ROBO2: variants seen among roughly 807,000 people sequenced by gnomAD.
The protein encoded by ROBO2 is roundabout homolog 2.
A neutral mutation model predicts 160.8 loss-of-function variants in ROBO2; 53 were observed. The observed-to-expected ratio is 0.33, with a 90% confidence interval of 0.26 to 0.41. ROBO2 has a LOEUF of 0.41. ROBO2 is among the 10% of genes least tolerant of loss of function. ROBO2 has a pLI of 1.00. For synonymous variants in ROBO2, 664 were observed against 611.7 expected, an observed-to-expected ratio of 1.09 and a Z score of -1.26; for missense variants, 1,577 against 1,722.4, an observed-to-expected ratio of 0.92 and a Z score of 1.49.
chr3:76,247,172 A>G (rs1477078741), intron 2 of ROBO2, among the ~76,000 whole-genome samples: 1 of 152,090 alleles, frequency 6.6e-6, no homozygotes, highest in Non-Finnish European at 1.5e-5. Context: ...ATTCCTTGTT[A>G]CTTAGACTTC....
At chr3:76,200,268 A>G (rs1189627840) in intron 2 of ROBO2, among the ~76,000 whole-genome samples, 1 of 152,154 alleles carries the variant, frequency 6.6e-6, no homozygotes, top group Non-Finnish European at 1.5e-5. Flanking sequence ...AAGAAAAAGT[A>G]TGGTCAGTGC....
chr3:77,542,867 TTA>T (rs140281392), intron 6 of ROBO2, among the ~76,000 whole-genome samples: 19,969 of 152,220 alleles, frequency 0.13, 1,482 homozygotes, highest in East Asian at 0.28. Flanking sequence ...ATAAATCTGA[TTA>T]TATCTTTCTT....
chr3:76,196,158 CCCAT>C (rs1702252212), intron 2 of ROBO2, among the ~76,000 whole-genome samples: 1 of 152,102 alleles, frequency 6.6e-6, no homozygotes, highest in African/African-American at 2.4e-5. Context: ...ATTCTTATTT[CCCAT>C]TTTAGCCAAG....
chr3:76,339,528 C>G (rs2074091118), intron 2 of ROBO2, among the ~76,000 whole-genome samples: 1 of 152,030 alleles, frequency 6.6e-6, no homozygotes, highest in Non-Finnish European at 1.5e-5. Context: ...TTATCTTTCT[C>G]TTTCAAGAAC....
At chr3:76,186,565 A>G (rs1222118543) in intron 2 of ROBO2, among the ~76,000 whole-genome samples, 1 of 152,018 alleles carries the variant, frequency 6.6e-6, no homozygotes, top group South Asian at 2.1e-4. Flanking sequence ...CTCTCTGTCA[A>G]TAGTTCACCC....
chr3:77,614,707 T>C (rs2094725922), intron 21 of ROBO2, among the ~76,000 whole-genome samples: 1 of 151,886 alleles, frequency 6.6e-6, no homozygotes, highest in African/African-American at 2.4e-5. Flanking sequence ...CCAAAGATGA[T>C]ATTATTCCCC....
intron 2 of ROBO2, among the ~76,000 whole-genome samples, chr3:77,454,041 A>G (rs2081370517): frequency 6.6e-6 from 1 of 151,726 alleles, no homozygotes; most frequent in Non-Finnish European, 1.5e-5. Context: ...AGACACCCTC[A>G]TTAGACATTT....
chr3:76,326,283 C>T (rs2073008590), intron 2 of ROBO2, among the ~76,000 whole-genome samples: 3 of 152,078 alleles, frequency 2.0e-5, no homozygotes, highest in African/African-American at 7.2e-5. Flanking sequence ...ATAAAAATGA[C>T]TATAACTCCT....
At chr3:76,927,273 C>T (rs2077045590) in intron 2 of ROBO2, among the ~76,000 whole-genome samples, 1 of 152,030 alleles carries the variant, frequency 6.6e-6, no homozygotes, top group Admixed American at 6.6e-5. Context: ...AATTACCACC[C>T]CCACCACCAG....
chr3:77,046,917 T>C (rs2064730072), intron 1 of ROBO2, among the ~76,000 whole-genome samples: 1 of 152,124 alleles, frequency 6.6e-6, no homozygotes, highest in African/African-American at 2.4e-5. Context: ...AGGTACCAAA[T>C]GTTCAAGTCA....
intron 2 of ROBO2, among the ~76,000 whole-genome samples, chr3:77,331,459 G>A (rs1322706646): frequency 6.6e-6 from 1 of 152,068 alleles, no homozygotes; most frequent in East Asian, 1.9e-4. Flanking sequence ...TGGTTTATGT[G>A]CCCCAGAGTG....
intron 2 of ROBO2, among the ~76,000 whole-genome samples, chr3:77,152,401 A>G (rs1304719590): frequency 1.3e-5 from 2 of 152,218 alleles, no homozygotes; most frequent in Non-Finnish European, 2.9e-5. Context: ...TTTTTATTAT[A>G]CTGAATCTTT....
chr3:77,445,725 T>G (rs982326996), intron 2 of ROBO2, among the ~76,000 whole-genome samples: 8 of 151,894 alleles, frequency 5.3e-5, no homozygotes, highest in African/African-American at 1.9e-4. Flanking sequence ...TGCATGTATT[T>G]TTGTCTAATT....
Position 76,004,233 on chromosome 3 carries a change from A to G in ROBO2, c.109+66631A>G, listed in dbSNP as rs530245883. On this transcript the variant is annotated intron_variant, in intron 2 of 26. Coordinates refer to the ROBO2 transcript ENST00000487694. Reference sequence around the variant, plus strand: ...ATACAATATAGACATATGTAACAGCATGAATAAATCTCCAAAGCATTAAGT... The same window carrying G: ...ATACAATATAGACATATGTAACAGCGTGAATAAATCTCCAAAGCATTAAGT... Among the ~76,000 whole-genome samples, 87 of 152,372 alleles carry G rather than the reference A, an allele frequency of 5.7e-4. 1 individual carries two copies. Among genetic ancestry groups the G allele is most frequent in the African/African-American group, 2.0e-3 (82 of 41,598 alleles).
At chr3:76,974,043 TG>T (rs1337163762) in intron 2 of ROBO2, among the ~76,000 whole-genome samples, 1 of 152,230 alleles carries the variant, frequency 6.6e-6, no homozygotes, top group African/African-American at 2.4e-5. Context: ...TTGGTGGTTC[TG>T]TTAACAAATC....
At chr3:76,948,900 A>T (rs1177697539) in intron 2 of ROBO2, among the ~76,000 whole-genome samples, 33 of 41,902 alleles carry the variant, frequency 7.9e-4, no homozygotes, top group African/African-American at 4.0e-3. Context: ...ATATATATAT[A>T]TATATATATT....
At chr3:76,157,322 C>T (rs2072447099) in intron 2 of ROBO2, among the ~76,000 whole-genome samples, 1 of 151,904 alleles carries the variant, frequency 6.6e-6, no homozygotes, top group Admixed American at 6.6e-5. Context: ...GGGGTGGGGG[C>T]ACCTAAGAGA....
intron 2 of ROBO2, among the ~76,000 whole-genome samples, chr3:77,404,212 C>G (rs1350793965): frequency 6.6e-6 from 1 of 152,064 alleles, no homozygotes; most frequent in African/African-American, 2.4e-5. Context: ...TATAATATCT[C>G]ATGTGTAAGT....
At chr3:75,964,969 TC>T (rs1949052040) in intron 2 of ROBO2, 1 of 151,708 alleles carries the variant, frequency 6.6e-6, no homozygotes, top group Non-Finnish European at 1.5e-5. Context: ...ATTTATTTTT[TC>T]TGTTTATTTT....
Sources: gnomAD v4.1 joint callset for allele counts (sites outside exome capture counted in the v4.1 genomes callset) on GRCh38, gnomAD v4.1.1 for gene constraint, MANE v1.5 for transcripts, NCBI Gene and HGNC (gene_info 2026-07-23, HGNC 2026-07-21) for gene names.